CNPY1: variants seen among roughly 807,000 people sequenced by gnomAD.
CNPY1 encodes canopy FGF signaling regulator 1.
In CNPY1, 14 loss-of-function variants were observed where a neutral mutation model predicts 14.4. That is an observed-to-expected ratio of 0.97 (90% CI 0.64 to 1.52). The LOEUF (loss-of-function observed/expected upper bound fraction) is 1.52, where lower values mean the gene tolerates loss of function less well. CNPY1 is among the 40% of genes most tolerant of loss of function. The pLI, the probability that CNPY1 is intolerant of heterozygous loss-of-function variation, is 0.00. For synonymous variants in CNPY1, 43 were observed against 46.5 expected (o/e 0.92, Z 0.31); for missense variants, 129 against 131.5 (o/e 0.98, Z 0.09).
intron 2 of CNPY1, among the ~76,000 whole-genome samples, chr7:155,509,992 C>G (rs550415991): frequency 6.6e-6 from 1 of 152,324 alleles, no homozygotes; most frequent in South Asian, 2.1e-4. Context: ...CCAAGGGCGC[C>G]GGACCGCGCC....
Position 155,501,942 on chromosome 7 carries a change from C to T in CNPY1, c.*1126G>A, listed in dbSNP as rs774950454. The stretch of plus-strand genomic sequence containing the variant: ...AAGAGTCAGGAGAATGATTTAAACA[C>T]ATAATGTGCTTTTTAAGCAACTAAG... On this transcript the variant is annotated 3_prime_UTR_variant, in exon 5 of 5. Coordinates refer to ENST00000636446, the MANE Select transcript of CNPY1 (RefSeq NM_001393663.1). 12 of 119,108 alleles carry T rather than the reference C, an allele frequency of 1.0e-4. No individual in the cohort carries two copies. In the South Asian group the frequency reaches 2.2e-3, roughly 22 times the overall value. 7.4% of individuals were successfully genotyped at this position (119,108 alleles called of 1,614,324 possible). A position where few individuals can be genotyped will look rare whatever the true frequency, so the allele number is the denominator to read the frequency against.
At chr7:155,544,825 C>T (rs970869520) in intron 2 of CNPY1, among the ~76,000 whole-genome samples, 2 of 152,194 alleles carry the variant, frequency 1.3e-5, no homozygotes, top group African/African-American at 2.4e-5. Context: ...GGGGAGGCAA[C>T]GAACCCAAAA....
chr7:155,527,866 C>A (rs1158459938), intron 2 of CNPY1, among the ~76,000 whole-genome samples: 1 of 152,196 alleles, frequency 6.6e-6, no homozygotes, highest in South Asian at 2.1e-4. Context: ...GGGTCCCGGC[C>A]GCTGCTGGGC....
At chr7:155,535,286 T>C (rs1422924684) in intron 2 of CNPY1, among the ~76,000 whole-genome samples, 1 of 152,202 alleles carries the variant, frequency 6.6e-6, no homozygotes, top group Non-Finnish European at 1.5e-5. Context: ...CTATGTGCCC[T>C]GCCTCCAGGA....
chr7:155,534,164 C>G (rs1796992426), intron 2 of CNPY1, among the ~76,000 whole-genome samples: 1 of 152,238 alleles, frequency 6.6e-6, no homozygotes, highest in South Asian at 2.1e-4. Flanking sequence ...TTTCCCCTGA[C>G]CCAGGCACAG....
At chr7:155,517,194 T>G (rs1048396919) in intron 2 of CNPY1, among the ~76,000 whole-genome samples, 1 of 152,094 alleles carries the variant, frequency 6.6e-6, no homozygotes, top group African/African-American at 2.4e-5. Context: ...GATCGGGTCA[T>G]TGAGGTGGCC....
In CNPY1 at chr7:155,502,835, T is replaced by G. The variant is rs939273413; in HGVS notation, c.*233A>C. ...TTGTCAAGCTTGATTTATCAAAATC[T>G]GCAAAGGTTAATTTAAGTTTCATGT... On this transcript the variant is annotated 3_prime_UTR_variant, in exon 5 of 5. Transcript: ENST00000636446. 6 of 506,518 alleles carry G rather than the reference T, an allele frequency of 1.2e-5. No individual in the cohort carries two copies. Among genetic ancestry groups the G allele is most frequent in the African/African-American group, 1.9e-5 (1 of 52,428 alleles). 31.4% of individuals were successfully genotyped at this position (506,518 alleles called of 1,614,324 possible).
rs369982719 is a variant in CNPY1, at chr7:155,508,960, G to A, written c.237C>T (p.Asp79=). The A allele has an allele frequency of 2.5e-6, 4 of 1,613,622 alleles. No homozygotes were observed. Among genetic ancestry groups the A allele is most frequent in the Non-Finnish European group, 2.5e-6 (3 of 1,179,740 alleles). Residue 79 remains aspartate (D), a synonymous_variant, in exon 3 of 5, where the codon GAC becomes GAT. Coordinates refer to ENST00000636446, the MANE Select transcript of CNPY1 (RefSeq NM_001393663.1). ...TFKRFAPRKG[D]KIYQEFKKLY... is the part of the protein sequence containing the mutation. ...ATTTTTTAAATTCTTGGTATATTTT[G>A]TCTCCTTTCCTAGGAGCGAATCTCT...
intron 2 of CNPY1, among the ~76,000 whole-genome samples, chr7:155,519,806 A>G (rs1409762106): frequency 6.6e-6 from 1 of 152,130 alleles, no homozygotes; most frequent in Non-Finnish European, 1.5e-5. Flanking sequence ...ACCCACATGT[A>G]GCTCTCATTC....
intron 2 of CNPY1, among the ~76,000 whole-genome samples, chr7:155,529,347 A>G (rs1402297800): frequency 6.6e-6 from 1 of 152,146 alleles, no homozygotes; most frequent in Non-Finnish European, 1.5e-5. Flanking sequence ...ACAGCTTCAG[A>G]TGCCTCTGGC....
chr7:155,527,172 C>G (rs566465112), intron 2 of CNPY1, among the ~76,000 whole-genome samples: 98 of 151,420 alleles, frequency 6.5e-4, no homozygotes, highest in African/African-American at 2.2e-3. Flanking sequence ...CTGCCTCAGC[C>G]TCCCAAGTAG....
intron 3 of CNPY1, 56 bp downstream of exon 3, chr7:155,508,838 A>G (rs1796418886): frequency 6.4e-7 from 1 of 1,573,808 alleles, no homozygotes; most frequent in Non-Finnish European, 8.6e-7. Flanking sequence ...AACAAAAAAG[A>G]GTTCCAAAAA....
rs1796397324 is a variant in CNPY1, at chr7:155,508,270, T to C, written c.303+624A>G. On this transcript the variant is annotated intron_variant, in intron 3 of 4. Coordinates refer to ENST00000636446, the MANE Select transcript of CNPY1 (RefSeq NM_001393663.1). ...CATTCACAAAAAATCAACATTACAC[T>C]GGAAGGAAATTTGGCATCAGGCTAA... Among the ~76,000 whole-genome samples the C allele has an allele frequency of 2.0e-5, 3 of 152,234 alleles. No homozygotes were observed. In the South Asian group the frequency reaches 6.2e-4, roughly 32 times the overall value.
At chr7:155,515,370 T>G (rs180746330) in intron 2 of CNPY1, among the ~76,000 whole-genome samples, 5 of 141,226 alleles carry the variant, frequency 3.5e-5, no homozygotes, top group African/African-American at 1.0e-4. Flanking sequence ...AACAAGAGGC[T>G]CTTCCACCTC....
chr7:155,503,560 T>G (rs1249866849), intron 4 of CNPY1, among the ~76,000 whole-genome samples: 1 of 152,212 alleles, frequency 6.6e-6, no homozygotes, highest in African/African-American at 2.4e-5. Flanking sequence ...TATGGATTAC[T>G]TTAGCTACAT....
At position 155,509,096 on chromosome 7, in the gene CNPY1, A is replaced by C; in HGVS notation, c.101T>G (p.Ile34Ser). 1 of 1,541,122 alleles carries C rather than the reference A, an allele frequency of 6.5e-7. No homozygotes were observed. ...GAACGCCTCCGACTGAGCTAGGGGG[A>C]TCTAAGAAGAAAGACAGGGCGAGGA... ...NPDGTQERRK[I>S]PLAQSEAFLT... Residue 34 changes from isoleucine (I) to serine (S), a missense_variant and splice_region_variant, in exon 3 of 5, where the codon ATC becomes AGC. Ile to Ser is a moderately radical substitution (Grantham distance 142). Coordinates refer to ENST00000636446, the MANE Select transcript of CNPY1 (RefSeq NM_001393663.1).
At chr7:155,530,336 G>A (rs1259651336) in intron 2 of CNPY1, among the ~76,000 whole-genome samples, 2 of 111,552 alleles carry the variant, frequency 1.8e-5, no homozygotes, top group Non-Finnish European at 3.3e-5. Context: ...GTCTCACTCT[G>A]TTAGCCAGGC....
intron 2 of CNPY1, among the ~76,000 whole-genome samples, chr7:155,535,858 T>C (rs563734615): frequency 1.3e-5 from 2 of 152,332 alleles, no homozygotes; most frequent in African/African-American, 4.8e-5. Flanking sequence ...ATTCTGCTGT[T>C]CTCTGGTAAG....
At chr7:155,505,665 G>A (rs60099557) in intron 4 of CNPY1, among the ~76,000 whole-genome samples, 39,164 of 152,042 alleles carry the variant, frequency 0.26, 6,060 homozygotes, top group East Asian at 0.44. Flanking sequence ...CATAGACCAC[G>A]TCCTTTATGA....
Sources: gnomAD v4.1 joint callset for allele counts (sites outside exome capture counted in the v4.1 genomes callset) on GRCh38, gnomAD v4.1.1 for gene constraint, MANE v1.5 for transcripts, NCBI Gene and HGNC (gene_info 2026-07-23, HGNC 2026-07-21) for gene names.